XYLT1: variants seen among roughly 807,000 people sequenced by gnomAD.
XYLT1 encodes xylosyltransferase 1.
In XYLT1, 36 loss-of-function variants were observed where a neutral mutation model predicts 91.3. The ratio of observed to expected loss-of-function variants is 0.39; its 90% CI spans 0.30 to 0.52. XYLT1 has a LOEUF of 0.52. XYLT1 is among the 20% of genes least tolerant of loss of function. XYLT1 has a pLI of 0.68. For missense variants in XYLT1, 1,242 were observed against 1,284.5 expected, an observed-to-expected ratio of 0.97 and a Z score of 0.51; for synonymous variants, 588 against 532.0, an observed-to-expected ratio of 1.11 and a Z score of -1.45.
intron 9 of XYLT1, among the ~76,000 whole-genome samples, chr16:17,128,753 C>T (rs921010894): frequency 9.2e-5 from 14 of 152,160 alleles, no homozygotes; most frequent in African/African-American, 2.2e-4. Context: ...CAGAGATGTC[C>T]GGAGAAAAGG....
intron 6 of XYLT1, among the ~76,000 whole-genome samples, chr16:17,147,588 T>C (rs1395412149): frequency 6.6e-6 from 1 of 152,218 alleles, no homozygotes; most frequent in African/African-American, 2.4e-5. Context: ...TGCAAACGCA[T>C]GCTTTGGTTA....
At chr16:17,199,714 C>T (rs573220190) in intron 4 of XYLT1, among the ~76,000 whole-genome samples, 90 of 152,264 alleles carry the variant, frequency 5.9e-4, no homozygotes, top group African/African-American at 2.0e-3. Flanking sequence ...CTCTTGCTGC[C>T]GCCATGTAAG....
At chr16:17,173,252 T>G (rs764466292) in intron 5 of XYLT1, among the ~76,000 whole-genome samples, 4 of 152,190 alleles carry the variant, frequency 2.6e-5, no homozygotes, top group African/African-American at 7.2e-5. Flanking sequence ...GAAGGCAGAT[T>G]TGTGCACGCC....
At chr16:17,377,656 C>T (rs147215888) in intron 1 of XYLT1, among the ~76,000 whole-genome samples, 381 of 152,068 alleles carry the variant, frequency 2.5e-3, no homozygotes, top group African/African-American at 8.1e-3. Context: ...CTCTCATAAA[C>T]GCTCTGTTCC....
intron 9 of XYLT1, among the ~76,000 whole-genome samples, chr16:17,129,443 G>A (rs901691015): frequency 6.6e-6 from 1 of 152,032 alleles, no homozygotes; most frequent in Non-Finnish European, 1.5e-5. Context: ...TGTATTTTTA[G>A]TAGAGACGGG....
At chr16:17,348,163 G>C (rs754725755) in intron 2 of XYLT1, among the ~76,000 whole-genome samples, 1 of 152,210 alleles carries the variant, frequency 6.6e-6, no homozygotes, top group East Asian at 1.9e-4. Flanking sequence ...TGGGGCTTGC[G>C]GGGGAAGAAG....
chr16:17,126,318 A>G (rs139768431), intron 10 of XYLT1, among the ~76,000 whole-genome samples: 4 of 152,180 alleles, frequency 2.6e-5, no homozygotes, highest in Non-Finnish European at 5.9e-5. Flanking sequence ...CCAGGCATTC[A>G]TCTCTTTAAT....
At chr16:17,398,754 C>T (rs1322149941) in intron 1 of XYLT1, among the ~76,000 whole-genome samples, 2 of 151,150 alleles carry the variant, frequency 1.3e-5, no homozygotes. Context: ...TACATCATGC[C>T]CCTCTCTGCC....
chr16:17,242,648 G>A (rs536306933), intron 3 of XYLT1, among the ~76,000 whole-genome samples: 37 of 152,306 alleles, frequency 2.4e-4, no homozygotes, highest in African/African-American at 4.6e-4. Flanking sequence ...AAAATTTACC[G>A]TCTTAATCAT....
intron 4 of XYLT1, among the ~76,000 whole-genome samples, chr16:17,200,007 G>C (rs924677592): frequency 6.6e-6 from 1 of 152,046 alleles, no homozygotes; most frequent in African/African-American, 2.4e-5. Flanking sequence ...CAGATCACGA[G>C]GTCAAGAGAT....
intron 1 of XYLT1, among the ~76,000 whole-genome samples, chr16:17,465,366 A>G (rs2036880032): frequency 6.6e-6 from 1 of 152,010 alleles, no homozygotes; most frequent in African/African-American, 2.4e-5. Context: ...GGGGACAGCA[A>G]AAGTCTTATC....
intron 5 of XYLT1, among the ~76,000 whole-genome samples, chr16:17,177,851 C>A (rs2031978737): frequency 6.6e-6 from 1 of 152,194 alleles, no homozygotes; most frequent in Non-Finnish European, 1.5e-5. Flanking sequence ...TGAGAATTAG[C>A]TGGCATTAAG....
At chr16:17,160,724 G>A (rs968256434) in intron 5 of XYLT1, among the ~76,000 whole-genome samples, 3 of 152,138 alleles carry the variant, frequency 2.0e-5, no homozygotes, top group Non-Finnish European at 2.9e-5. Flanking sequence ...TCTCCCGCGT[G>A]GTTAAACCCC....
At chr16:17,466,529 CT>C (rs1360220123) in intron 1 of XYLT1, among the ~76,000 whole-genome samples, 2 of 152,192 alleles carry the variant, frequency 1.3e-5, no homozygotes, top group African/African-American at 4.8e-5. Flanking sequence ...ATGAATCAAA[CT>C]TGAACAGTCA....
At chr16:17,413,202 A>G (rs1393995584) in intron 1 of XYLT1, among the ~76,000 whole-genome samples, 2 of 152,192 alleles carry the variant, frequency 1.3e-5, no homozygotes, top group Non-Finnish European at 2.9e-5. Flanking sequence ...GTACTCAAAA[A>G]AGAAGTAACA....
intron 1 of XYLT1, among the ~76,000 whole-genome samples, chr16:17,464,446 TG>T (rs1384799735): frequency 6.8e-6 from 1 of 146,560 alleles, no homozygotes; most frequent in Non-Finnish European, 1.5e-5. Context: ...GAGTCAAGAT[TG>T]TGCCACTGCA....
chr16:17,236,538 C>T (rs2033250872), intron 3 of XYLT1, among the ~76,000 whole-genome samples: 1 of 152,060 alleles, frequency 6.6e-6, no homozygotes, highest in Non-Finnish European at 1.5e-5. Context: ...ATTGTAGTTT[C>T]CCGGGGCTGC....
In XYLT1 at chr16:17,371,826, GAGAA is replaced by G. The variant is rs556379693; in HGVS notation, c.364-13780_364-13777del. ...CCAGCTCTGTTTATTAAGAGACAGA[GAGAA>G]AGAAAGAGAGAGTGTATGTGTGTGA... On this transcript the variant is annotated intron_variant, in intron 1 of 11. Transcript: ENST00000261381. Among the ~76,000 whole-genome samples the G allele has an allele frequency of 1.9e-4, 29 of 152,270 alleles. No individual in the cohort carries two copies. The South Asian group carries it at 4.1e-3, about 22-fold the overall frequency.
At chr16:17,325,430 G>C (rs1053119389) in intron 2 of XYLT1, among the ~76,000 whole-genome samples, 1 of 152,120 alleles carries the variant, frequency 6.6e-6, no homozygotes, top group African/African-American at 2.4e-5. Context: ...GATTTTAGAA[G>C]ATGCTTTTGC....
Sources: allele counts gnomAD v4.1 joint callset (sites outside exome capture counted in the v4.1 genomes callset), GRCh38; gene constraint gnomAD v4.1.1; transcripts MANE v1.5; gene names NCBI Gene and HGNC (gene_info 2026-07-23, HGNC 2026-07-21).